GFPT1: variants seen among roughly 807,000 people sequenced by gnomAD.
GFPT1 encodes glutamine--fructose-6-phosphate transaminase 1, also known as glutamine--fructose-6-phosphate aminotransferase [isomerizing] 1.
GFPT1 carries 40 observed loss-of-function variants against 92.0 expected under a neutral mutation model. That is an observed-to-expected ratio of 0.43 (90% CI 0.34 to 0.57). The LOEUF is 0.57. Ranked by LOEUF, GFPT1 falls within the 20% of genes least tolerant of loss-of-function variation. GFPT1 has a pLI of 0.02. For synonymous variants in GFPT1, 269 were observed against 280.6 expected (o/e 0.96, Z 0.41); for missense variants, 448 against 869.1 (o/e 0.52, Z 6.09).
At position 69,329,178 on chromosome 2, in the gene GFPT1, A is replaced by G. The variant is rs555289527; in HGVS notation, c.1725+119T>C. On this transcript the variant is annotated intron_variant, in intron 17 of 19. Transcript: ENST00000357308. ...TCTCAAAGTAAACAAACCACAATGC[A>G]TAAATACAGAAGCACTTTCAAAAGT... is the stretch of plus-strand genomic sequence containing the variant. 3 of 1,007,932 alleles carry G rather than the reference A, an allele frequency of 3.0e-6. No individual in the cohort carries two copies. In the African/African-American group the frequency reaches 4.8e-5, roughly 16 times the overall value. The allele number at this position is 1,007,932 out of a possible 1,614,324, so 62.4% of individuals were successfully genotyped here. A position where few individuals can be genotyped will look rare whatever the true frequency, so the allele number is the denominator to read the frequency against.
At chr2:69,372,823 C>A (rs1207386247) in intron 2 of GFPT1, among the ~76,000 whole-genome samples, 1 of 152,140 alleles carries the variant, frequency 6.6e-6, no homozygotes, top group Non-Finnish European at 1.5e-5. Flanking sequence ...AAAGAGTTAA[C>A]ACAGCAGGTG....
chr2:69,384,693 C>CAAAAAAA (rs71964630), intron 1 of GFPT1, among the ~76,000 whole-genome samples: 264 of 105,256 alleles, frequency 2.5e-3, no homozygotes, highest in Non-Finnish European at 3.9e-3. Context: ...GGCCCCGTCA[C>CAAAAAAA]AAAAAAAAAA....
rs1330010977 is a variant in GFPT1, at chr2:69,324,901, C to A, written c.*1288G>T. ...AACATTCTACTTTAAATATTTTAAT[C>A]CAAATTGTCAACTTCCATTTCTGAC... is the stretch of plus-strand genomic sequence containing the variant. On this transcript the variant is annotated 3_prime_UTR_variant, in exon 20 of 20. Transcript: ENST00000357308. 6.6e-6 allele frequency: 1 copy of A among 152,124 alleles called. No homozygotes were observed. Among genetic ancestry groups the A allele is most frequent in the African/African-American group, 2.4e-5 (1 of 41,426 alleles). The allele number at this position is 152,124 out of a possible 1,614,324, so 9.4% of individuals were successfully genotyped here. A position where few individuals can be genotyped will look rare whatever the true frequency, so the allele number is the denominator to read the frequency against.
chr2:69,347,032 C>G (rs1308998595), intron 11 of GFPT1, among the ~76,000 whole-genome samples: 1 of 152,114 alleles, frequency 6.6e-6, no homozygotes, highest in Non-Finnish European at 1.5e-5. Flanking sequence ...ACCTCAGCCT[C>G]CCCAGTCACT....
At chr2:69,376,474 G>A (rs941881005) in intron 1 of GFPT1, among the ~76,000 whole-genome samples, 3 of 151,492 alleles carry the variant, frequency 2.0e-5, no homozygotes, top group Non-Finnish European at 4.4e-5. Context: ...AGCCGAGATC[G>A]CACTGCTGCA....
intron 3 of GFPT1, among the ~76,000 whole-genome samples, chr2:69,366,767 G>C (rs1671620665): frequency 6.6e-6 from 1 of 151,826 alleles, no homozygotes; most frequent in Admixed American, 6.6e-5. Context: ...TCCTTTAAAG[G>C]CTAACTCCTT....
intron 15 of GFPT1, among the ~76,000 whole-genome samples, chr2:69,334,937 C>G (rs528102519): frequency 2.0e-5 from 3 of 152,114 alleles, no homozygotes; most frequent in Non-Finnish European, 4.4e-5. Context: ...TTTACTAAAA[C>G]TGTACACTTA....
chr2:69,361,466 A>C (rs1483336008), intron 4 of GFPT1, among the ~76,000 whole-genome samples: 2 of 151,884 alleles, frequency 1.3e-5, no homozygotes, highest in African/African-American at 4.8e-5. Flanking sequence ...AAAAAAAAAA[A>C]AACTTCATGC....
chr2:69,322,204 T>C lies in GFPT1; in HGVS notation c.*3985A>G, dbSNP rs1670416958. On this transcript the variant is annotated 3_prime_UTR_variant, in exon 20 of 20. Coordinates refer to ENST00000357308, the MANE Select transcript of GFPT1 (RefSeq NM_001244710.2). ...TCTTGTACACAAAATTTACTAAATA[T>C]GTGAATATCATAAAATGAAAATATC... The C allele has an allele frequency of 6.6e-6, 1 of 152,168 alleles. No homozygotes were observed. Among genetic ancestry groups the C allele is most frequent in the Non-Finnish European group, 1.5e-5 (1 of 68,020 alleles). The allele number at this position is 152,168 out of a possible 1,614,324, so 9.4% of individuals were successfully genotyped here.
chr2:69,328,735 C>T (rs1413966990), intron 17 of GFPT1, among the ~76,000 whole-genome samples: 1 of 135,796 alleles, frequency 7.4e-6, no homozygotes, highest in South Asian at 2.3e-4. Context: ...GAGTCTTCTT[C>T]GATCGCCCAG....
At chr2:69,361,739 G>A (rs1401387076) in intron 4 of GFPT1, among the ~76,000 whole-genome samples, 4 of 152,208 alleles carry the variant, frequency 2.6e-5, no homozygotes, top group Non-Finnish European at 5.9e-5. Context: ...AGCACTTTGG[G>A]AGGCTGAGGT....
intron 9 of GFPT1, among the ~76,000 whole-genome samples, chr2:69,351,441 C>T (rs573439668): frequency 6.6e-5 from 10 of 152,144 alleles, no homozygotes; most frequent in Non-Finnish European, 1.5e-4. Flanking sequence ...GAGAACATCA[C>T]AAGTATACTT....
chr2:69,348,691 G>C (rs4524165), intron 10 of GFPT1, among the ~76,000 whole-genome samples: 101,169 of 151,970 alleles, frequency 0.67, 35,344 homozygotes, highest in African/African-American at 0.9. Context: ...AGCTCCTCGG[G>C]TGGACTACTG....
At chr2:69,343,221 A>C (rs1313673244) in intron 12 of GFPT1, among the ~76,000 whole-genome samples, 3 of 152,146 alleles carry the variant, frequency 2.0e-5, no homozygotes, top group Non-Finnish European at 4.4e-5. Context: ...CATTCATTCA[A>C]CTGGTCAACT....
Position 69,324,957 on chromosome 2 carries a change from T to C in GFPT1, c.*1232A>G, listed in dbSNP as rs990985744. On this transcript the variant is annotated 3_prime_UTR_variant, in exon 20 of 20. Transcript: ENST00000357308. ...CAAGCTGAACATACCCCAATATCAC[T>C]TTATTTATATCTTCTTTATTCCTAA... The C allele has an allele frequency of 6.6e-6, 1 of 152,190 alleles. No individual in the cohort carries two copies. Among genetic ancestry groups the C allele is most frequent in the Non-Finnish European group, 1.5e-5 (1 of 68,024 alleles). The allele number at this position is 152,190 out of a possible 1,614,324, so 9.4% of individuals were successfully genotyped here. A position where few individuals can be genotyped will look rare whatever the true frequency, so the allele number is the denominator to read the frequency against.
Position 69,343,225 on chromosome 2 carries a change from G to A in GFPT1, c.1106-976C>T, listed in dbSNP as rs147486603. Among the ~76,000 whole-genome samples, 533 of 152,194 alleles carry A rather than the reference G, an allele frequency of 3.5e-3. 3 individuals carry two copies. Among genetic ancestry groups the A allele is most frequent in the African/African-American group, 0.012 (515 of 41,518 alleles). ...TTCTCATTCAACATTCATTCAACTG[G>A]TCAACTAAAATTCCCTAATCACCCA... On this transcript the variant is annotated intron_variant, in intron 12 of 19. Transcript: ENST00000357308.
intron 3 of GFPT1, among the ~76,000 whole-genome samples, chr2:69,367,045 T>C (rs1362155709): frequency 6.6e-6 from 1 of 152,240 alleles, no homozygotes; most frequent in Non-Finnish European, 1.5e-5. Context: ...AAAATCAGTG[T>C]GGTATATGGA....
chr2:69,348,122 T>C lies in GFPT1; in HGVS notation c.1009+49A>G, dbSNP rs757440781. 13 of 1,375,382 alleles carry C rather than the reference T, an allele frequency of 9.5e-6. No homozygotes were observed. The African/African-American group carries it at 1.7e-4, about 18-fold the overall frequency. The allele number at this position is 1,375,382 out of a possible 1,614,324, so 85.2% of individuals were successfully genotyped here. A position where few individuals can be genotyped will look rare whatever the true frequency, so the allele number is the denominator to read the frequency against. ...ATATGCTAGGAAAGGAAGTAGAATA[T>C]ATTCTTTCCAGTAAGGACAGCAAGC... On this transcript the variant is annotated intron_variant, in intron 11 of 19. Coordinates refer to ENST00000357308, the MANE Select transcript of GFPT1 (RefSeq NM_001244710.2).
chr2:69,366,195 C>A (rs556865929), intron 3 of GFPT1, among the ~76,000 whole-genome samples: 89 of 150,684 alleles, frequency 5.9e-4, no homozygotes, highest in Non-Finnish European at 1.0e-3. Flanking sequence ...GAGAAAGTCA[C>A]AAGATTCTAT....
Sources: gnomAD v4.1 joint callset for allele counts (sites outside exome capture counted in the v4.1 genomes callset) on GRCh38, gnomAD v4.1.1 for gene constraint, MANE v1.5 for transcripts, NCBI Gene and HGNC (gene_info 2026-07-23, HGNC 2026-07-21) for gene names.